Variants in IMMP2L observed in about 807,000 individuals in gnomAD.
IMMP2L encodes the protein inner mitochondrial membrane peptidase subunit 2.
A neutral mutation model predicts 19.3 loss-of-function variants in IMMP2L; 18 were observed. The observed-to-expected ratio is 0.93, with a 90% CI of 0.64 to 1.38. IMMP2L has a LOEUF of 1.38. Among genes scored for constraint, IMMP2L ranks in the 40% most tolerant of loss-of-function variants. The pLI is 0.00. For synonymous variants in IMMP2L, 76 were observed against 73.0 expected, an observed-to-expected ratio of 1.04 and a Z score of -0.21; for missense variants, 233 against 218.2, an observed-to-expected ratio of 1.07 and a Z score of -0.43.
intron 4 of IMMP2L, among the ~76,000 whole-genome samples, chr7:110,956,147 T>C (rs1413826344): frequency 1.3e-5 from 2 of 152,036 alleles, no homozygotes; most frequent in African/African-American, 4.8e-5. Context: ...ATGGATTTTT[T>C]TGCTAATACC....
At chr7:111,060,546 C>T (rs1265599698) in intron 3 of IMMP2L, among the ~76,000 whole-genome samples, 1 of 152,146 alleles carries the variant, frequency 6.6e-6, no homozygotes, top group South Asian at 2.1e-4. Flanking sequence ...AGGAGTAAAG[C>T]TGGTTGAGTT....
chr7:111,454,792 G>T (rs1839539984), intron 3 of IMMP2L, among the ~76,000 whole-genome samples: 2 of 151,920 alleles, frequency 1.3e-5, no homozygotes, highest in Admixed American at 6.6e-5. Flanking sequence ...CTGACCCAAA[G>T]ATATAAATGA....
chr7:111,552,903 A>G (rs1790837698), intron 1 of IMMP2L, among the ~76,000 whole-genome samples: 1 of 152,126 alleles, frequency 6.6e-6, no homozygotes, highest in African/African-American at 2.4e-5. Context: ...ATCTCATGAG[A>G]ATAGTCCCAC....
intron 3 of IMMP2L, among the ~76,000 whole-genome samples, chr7:111,465,383 C>T (rs186559023): frequency 5.9e-5 from 9 of 151,732 alleles, no homozygotes; most frequent in Non-Finnish European, 1.0e-4. Flanking sequence ...TTTCAAACCC[C>T]TACTTCAGCC....
chr7:111,371,953 C>T (rs531307684), intron 3 of IMMP2L, among the ~76,000 whole-genome samples: 2 of 152,108 alleles, frequency 1.3e-5, no homozygotes, highest in South Asian at 4.2e-4. Flanking sequence ...ATTCTTCAAA[C>T]TGTGAAACTC....
intron 2 of IMMP2L, among the ~76,000 whole-genome samples, chr7:111,498,858 C>G (rs573231467): frequency 1.1e-3 from 169 of 151,936 alleles, no homozygotes; most frequent in Middle Eastern, 6.8e-3. Context: ...CCTGGGTACC[C>G]TAAATTACAT....
chr7:110,847,475 C>G (rs1166050640), intron 5 of IMMP2L, among the ~76,000 whole-genome samples: 1 of 152,134 alleles, frequency 6.6e-6, no homozygotes, highest in African/African-American at 2.4e-5. Flanking sequence ...AATAGCATTA[C>G]TTTGTCTAGC....
chr7:110,679,455 T>G (rs1232650911), intron 5 of IMMP2L, among the ~76,000 whole-genome samples: 1 of 152,136 alleles, frequency 6.6e-6, no homozygotes, highest in Non-Finnish European at 1.5e-5. Flanking sequence ...TATTTTTATG[T>G]TGGAGATAAA....
intron 3 of IMMP2L, among the ~76,000 whole-genome samples, chr7:111,434,735 G>C (rs1585084373): frequency 6.6e-6 from 1 of 151,752 alleles, no homozygotes; most frequent in East Asian, 1.9e-4. Context: ...TGTATTTTTA[G>C]TAGAGACAGG....
rs1001745662 is a variant in IMMP2L at position 110,877,330 on chromosome 7, TCA to T, written c.408+9261_408+9262del. 6.6e-6 allele frequency among the ~76,000 whole-genome samples: 1 copy of T among 152,186 alleles called. No homozygotes were observed. Among genetic ancestry groups the T allele is most frequent in the Admixed American group, 6.6e-5 (1 of 15,262 alleles). ...GCTCCCATAGTTGCCTTGGCAAAGT[TCA>T]CAGTCTTTTCACACACAGAATCACT... On this transcript the variant is annotated intron_variant, in intron 5 of 5. Transcript: ENST00000405709. This position sits in a 1 kb window ranked among gnomAD's most constrained non-coding sequence, Gnocchi z 4.0.
intron 3 of IMMP2L, among the ~76,000 whole-genome samples, chr7:111,291,816 A>G (rs1228994750): frequency 6.6e-6 from 1 of 152,200 alleles, no homozygotes; most frequent in African/African-American, 2.4e-5. Flanking sequence ...AACAGATTTA[A>G]TCATTCCACA....
chr7:111,416,922 T>C (rs1047243377), intron 3 of IMMP2L, among the ~76,000 whole-genome samples: 3 of 151,628 alleles, frequency 2.0e-5, no homozygotes, highest in Admixed American at 2.0e-4. Flanking sequence ...TACATAAATA[T>C]ATTAATAAAT....
chr7:111,229,302 C>A (rs1355877723), intron 3 of IMMP2L, among the ~76,000 whole-genome samples: 1 of 151,810 alleles, frequency 6.6e-6, no homozygotes, highest in Admixed American at 6.6e-5. Context: ...TGTATCCTGA[C>A]CATGAAACAG....
chr7:111,550,538 T>C (rs1424864576), intron 1 of IMMP2L, among the ~76,000 whole-genome samples: 3 of 152,148 alleles, frequency 2.0e-5, no homozygotes, highest in Non-Finnish European at 4.4e-5. Flanking sequence ...GGAGAGGCTA[T>C]GCATGTGTGA....
intron 4 of IMMP2L, among the ~76,000 whole-genome samples, chr7:110,908,097 GAAGT>G (rs2129548039): frequency 6.6e-6 from 1 of 152,306 alleles, no homozygotes; most frequent in East Asian, 1.9e-4. Flanking sequence ...ACTCAGAAAA[GAAGT>G]AAGAAATTCA....
chr7:111,174,823 T>C (rs1020367114), intron 3 of IMMP2L, among the ~76,000 whole-genome samples: 2 of 151,684 alleles, frequency 1.3e-5, no homozygotes, highest in African/African-American at 4.8e-5. Context: ...AAGAAAAACA[T>C]GCAAGGCAGA....
intron 3 of IMMP2L, among the ~76,000 whole-genome samples, chr7:111,340,953 C>T (rs553376279): frequency 1.3e-5 from 2 of 152,094 alleles, no homozygotes; most frequent in African/African-American, 4.8e-5. Context: ...TGTTCTTTAT[C>T]GATATTGATC....
chr7:111,315,461 C>T (rs928021263), intron 3 of IMMP2L, among the ~76,000 whole-genome samples: 1 of 151,636 alleles, frequency 6.6e-6, no homozygotes, highest in Admixed American at 6.6e-5. Flanking sequence ...AAAGTGAAGA[C>T]AGAAACGACA....
chr7:111,384,998 T>G (rs2131268782), intron 3 of IMMP2L, among the ~76,000 whole-genome samples: 1 of 152,296 alleles, frequency 6.6e-6, no homozygotes, highest in Non-Finnish European at 1.5e-5. Flanking sequence ...GTGGGTTCTG[T>G]AAGGCCTTAT....
Sources: allele counts gnomAD v4.1 joint callset (sites outside exome capture counted in the v4.1 genomes callset), GRCh38; gene constraint gnomAD v4.1.1; non-coding constraint Gnocchi (gnomAD v3.1); transcripts MANE v1.5; gene names NCBI Gene and HGNC (gene_info 2026-07-23, HGNC 2026-07-21).